PPIL1: variants seen among roughly 807,000 people sequenced by gnomAD.
The protein encoded by PPIL1 is peptidylprolyl isomerase like 1, also known as peptidyl-prolyl cis-trans isomerase-like 1.
A neutral mutation model predicts 19.4 loss-of-function variants in PPIL1; 14 were observed. The observed-to-expected ratio is 0.72, with a 90% confidence interval of 0.48 to 1.13. PPIL1 has a LOEUF of 1.13. Ranked by LOEUF, PPIL1 falls within the 50% of genes most tolerant of loss-of-function variation. PPIL1 has a pLI of 0.00. For synonymous variants in PPIL1, 72 were observed against 73.6 expected (o/e 0.98, Z 0.11); for missense variants, 192 against 218.0 (o/e 0.88, Z 0.75).
chr6:36,863,903 C>A (rs1774341446), intron 2 of PPIL1, among the ~76,000 whole-genome samples: 1 of 151,966 alleles, frequency 6.6e-6, no homozygotes, highest in Non-Finnish European at 1.5e-5. Flanking sequence ...TCACTGGCAG[C>A]TGCTCCTCCT....
intron 2 of PPIL1, among the ~76,000 whole-genome samples, chr6:36,863,092 T>C: frequency 6.6e-6 from 1 of 152,224 alleles, no homozygotes; most frequent in East Asian, 1.9e-4. Flanking sequence ...GGAAGCTATC[T>C]GGTGTGTAAC....
rs561665150 is a variant in PPIL1, at chr6:36,860,311, C to A, written c.212-3657G>T. On this transcript the variant is annotated intron_variant, in intron 2 of 3. Coordinates refer to ENST00000373699, the MANE Select transcript of PPIL1 (RefSeq NM_016059.5). ...TGAAACTCGTCTCTACAAAAATTAG[C>A]CAGGCGTGGTTGTGCGTGCCTGCAG... 3.9e-5 allele frequency among the ~76,000 whole-genome samples: 6 copies of A among 152,108 alleles called. No individual in the cohort carries two copies. In the South Asian group the frequency reaches 1.2e-3, roughly 32 times the overall value.
At chr6:36,859,811 T>TTGTGTGTGTGTGTGTGTGTGTGTGTG (rs71880744) in intron 2 of PPIL1, among the ~76,000 whole-genome samples, 2,000 of 144,910 alleles carry the variant, frequency 0.014, 23 homozygotes, top group Middle Eastern at 0.024. Context: ...CTGTTTTCTA[T>TTGTGTGTGTGTGTGTGTGTGTGTGTG]TGTGTGTGTG....
intron 2 of PPIL1, among the ~76,000 whole-genome samples, chr6:36,861,932 G>T (rs947615182): frequency 6.6e-6 from 1 of 152,136 alleles, no homozygotes; most frequent in Non-Finnish European, 1.5e-5. Flanking sequence ...CTGACCTCAG[G>T]TGATCTGCCT....
At chr6:36,862,385 AG>A (rs1368313912) in intron 2 of PPIL1, among the ~76,000 whole-genome samples, 2 of 152,268 alleles carry the variant, frequency 1.3e-5, no homozygotes, top group East Asian at 3.9e-4. Context: ...TCAACCTCAG[AG>A]ACAAAAAAGG....
Position 36,855,770 on chromosome 6 carries a change from C to A in PPIL1, c.*43G>T. Reference sequence around the variant, plus strand: ...ATTCTATGTCATCTAGAAGCTGGTTCACTGGGGCCATCTCAGAAGAGCTGC... The same window carrying A: ...ATTCTATGTCATCTAGAAGCTGGTTAACTGGGGCCATCTCAGAAGAGCTGC... On this transcript the variant is annotated 3_prime_UTR_variant, in exon 4 of 4. Coordinates refer to ENST00000373699, the MANE Select transcript of PPIL1 (RefSeq NM_016059.5). The A allele has an allele frequency of 1.3e-6, 2 of 1,586,354 alleles. No homozygotes were observed. The highest frequency in any genetic ancestry group is 2.2e-5 in the South Asian group (2 of 90,518).
intron 1 of PPIL1, among the ~76,000 whole-genome samples, chr6:36,872,305 T>C (rs1774528393): frequency 6.6e-6 from 1 of 151,962 alleles, no homozygotes; most frequent in African/African-American, 2.4e-5. Context: ...TGGGTGGGGG[T>C]AGGGACTGGG....
chr6:36,868,888 A>T (rs563481678), intron 2 of PPIL1, among the ~76,000 whole-genome samples: 2 of 152,268 alleles, frequency 1.3e-5, no homozygotes, highest in Admixed American at 1.3e-4. Flanking sequence ...ACAAAAAACC[A>T]AACCAGAAGG....
chr6:36,866,582 C>A (rs2150658373), intron 2 of PPIL1, among the ~76,000 whole-genome samples: 1 of 152,154 alleles, frequency 6.6e-6, no homozygotes, highest in South Asian at 2.1e-4. Context: ...TAAAATTACA[C>A]CATGGAAATG....
chr6:36,860,428 C>T (rs561255113), intron 2 of PPIL1, among the ~76,000 whole-genome samples: 1 of 152,162 alleles, frequency 6.6e-6, no homozygotes, highest in African/African-American at 2.4e-5. Context: ...CGCCATTGCA[C>T]TCCTGTCTGT....
Position 36,863,817 on chromosome 6 carries a change from G to A in PPIL1, c.212-7163C>T, listed in dbSNP as rs1774339667. Among the ~76,000 whole-genome samples, 5 of 151,592 alleles carry A rather than the reference G, an allele frequency of 3.3e-5. 1 individual carries two copies. Among genetic ancestry groups the A allele is most frequent in the Admixed American group, 1.3e-4 (2 of 15,224 alleles). On this transcript the variant is annotated intron_variant, in intron 2 of 3. Coordinates refer to ENST00000373699, the MANE Select transcript of PPIL1 (RefSeq NM_016059.5). ...CACTCACTTTACTTGATCCACACTC[G>A]ATGTCACCCTTCTGCTTGAGTTGCT...
chr6:36,861,142 G>C (rs899644423), intron 2 of PPIL1, among the ~76,000 whole-genome samples: 1 of 152,094 alleles, frequency 6.6e-6, no homozygotes, highest in African/African-American at 2.4e-5. Flanking sequence ...GTCATAGTTT[G>C]AGTATTTCAT....
chr6:36,860,301 C>T (rs1436666029), intron 2 of PPIL1, among the ~76,000 whole-genome samples: 1 of 151,926 alleles, frequency 6.6e-6, no homozygotes, highest in Non-Finnish European at 1.5e-5. Flanking sequence ...CTCGTCTCTA[C>T]AAAAATTAGC....
At chr6:36,857,544 G>C (rs2150654195) in intron 2 of PPIL1, among the ~76,000 whole-genome samples, 1 of 152,092 alleles carries the variant, frequency 6.6e-6, no homozygotes, top group East Asian at 1.9e-4. Context: ...TCAAACTCCT[G>C]GCGTCAAGCA....
At chr6:36,870,204 A>G (rs2150659839) in intron 2 of PPIL1, among the ~76,000 whole-genome samples, 2 of 152,344 alleles carry the variant, frequency 1.3e-5, no homozygotes, top group Middle Eastern at 6.8e-3. Context: ...AGACTCTGCT[A>G]TAGAGAAAAC....
At chr6:36,856,790 A>G in intron 2 of PPIL1, 136 bp from the exon 3 acceptor site, 5 of 676,096 alleles carry the variant, frequency 7.4e-6, no homozygotes, top group Non-Finnish European at 1.3e-5. Flanking sequence ...ACTGCTAGGT[A>G]TATTGCAACT....
intron 2 of PPIL1, among the ~76,000 whole-genome samples, chr6:36,866,896 T>C (rs754883927): frequency 2.6e-5 from 4 of 152,178 alleles, no homozygotes; most frequent in South Asian, 2.1e-4. Context: ...TCAGGTTCAA[T>C]AGACCGAAGA....
At chr6:36,856,059 A>C (rs771012391) in intron 3 of PPIL1, 26 bp from the exon 4 acceptor site, 18 of 1,605,132 alleles carry the variant, frequency 1.1e-5, no homozygotes, top group Non-Finnish European at 1.4e-5. Flanking sequence ...AAGAAAGGAA[A>C]GAGTATAAAT....
intron 2 of PPIL1, among the ~76,000 whole-genome samples, chr6:36,857,913 C>T (rs1480793897): frequency 1.3e-5 from 2 of 152,080 alleles, no homozygotes; most frequent in Admixed American, 1.3e-4. Context: ...TAAGCTCAGG[C>T]AGGTTTTGCT....
Sources: allele counts gnomAD v4.1 joint callset (sites outside exome capture counted in the v4.1 genomes callset), GRCh38; gene constraint gnomAD v4.1.1; transcripts MANE v1.5; gene names NCBI Gene and HGNC (gene_info 2026-07-23, HGNC 2026-07-21).